Variants in ATAD5 observed in about 807,000 individuals in gnomAD.
The protein encoded by ATAD5 is ATPase family AAA domain-containing protein 5.
ATAD5 carries 58 observed loss-of-function variants against 176.9 expected under a neutral mutation model. The observed-to-expected ratio is 0.33, with a 90% CI of 0.27 to 0.41. ATAD5 has a LOEUF of 0.41. ATAD5 is among the 10% of genes least tolerant of loss of function. ATAD5 has a pLI of 1.00. For missense variants in ATAD5, 1,789 were observed against 2,094.1 expected (o/e 0.85, Z 2.84); for synonymous variants, 640 against 712.6 (o/e 0.90, Z 1.62).
At chr17:30,885,703 G>A (rs1445568100) in intron 18 of ATAD5, among the ~76,000 whole-genome samples, 2 of 136,588 alleles carry the variant, frequency 1.5e-5, no homozygotes, top group African/African-American at 2.8e-5. Flanking sequence ...GGGCAATTTC[G>A]GCTCACTGCA....
chr17:30,874,358 T>C lies in ATAD5; in HGVS notation c.3608-2016T>C, dbSNP rs185642398. ...GAGATTGAGACCATCCTGGCCAATA[T>C]GTTGAAATCCCGTCTCTACTAAAAA... On this transcript the variant is annotated intron_variant, in intron 14 of 22. Coordinates refer to ENST00000321990, the MANE Select transcript of ATAD5 (RefSeq NM_024857.5). 4.2e-3 allele frequency among the ~76,000 whole-genome samples: 640 copies of C among 151,022 alleles called. 4 individuals carry two copies. Among genetic ancestry groups the C allele is most frequent in the Middle Eastern group, 0.014 (4 of 288 alleles).
At chr17:30,858,089 G>T (rs1189035832) in intron 8 of ATAD5, 72 bp from the exon 9 acceptor site, 7 of 1,267,642 alleles carry the variant, frequency 5.5e-6, no homozygotes, top group African/African-American at 3.1e-5. Context: ...GACAGAAAGT[G>T]GTTGGTAGTA....
Position 30,853,912 on chromosome 17 carries a change from AT to A in ATAD5, c.2451-1219del, listed in dbSNP as rs555790839. On this transcript the variant is annotated intron_variant, in intron 6 of 22. Coordinates refer to ENST00000321990, the MANE Select transcript of ATAD5 (RefSeq NM_024857.5). Reference sequence around the variant, plus strand: ...ATTAACTTTTTGAAATATGACAGTGATTTTTTTTTTTTCTGATTGTTTAGCA... The same window carrying A: ...ATTAACTTTTTGAAATATGACAGTGATTTTTTTTTTTCTGATTGTTTAGCA... Among the ~76,000 whole-genome samples, 598 of 147,200 alleles carry A rather than the reference AT, an allele frequency of 4.1e-3. 3 individuals carry two copies. Among genetic ancestry groups the A allele is most frequent in the African/African-American group, 0.013 (512 of 40,472 alleles).
chr17:30,873,178 T>C (rs1442765977), intron 14 of ATAD5, among the ~76,000 whole-genome samples: 1 of 152,224 alleles, frequency 6.6e-6, no homozygotes, highest in Non-Finnish European at 1.5e-5. Flanking sequence ...AGCAAGGAAC[T>C]ATTTTAATTG....
chr17:30,842,807 G>C (rs549852385), intron 4 of ATAD5, among the ~76,000 whole-genome samples: 5 of 152,190 alleles, frequency 3.3e-5, no homozygotes, highest in African/African-American at 1.2e-4. Flanking sequence ...TTAATGGCGC[G>C]ATCTCAGCTC....
chr17:30,877,307 C>T (rs538390108), intron 15 of ATAD5, 109 bp from the exon 16 acceptor site: 1 of 791,180 alleles, frequency 1.3e-6, no homozygotes, highest in East Asian at 2.9e-5. Flanking sequence ...CCGCGCCCGT[C>T]CTGTTTCAGT....
rs1228475089 is a variant in ATAD5, at chr17:30,832,308, C to T, written c.-40C>T. 1.3e-6 allele frequency: 2 copies of T among 1,487,070 alleles called. No homozygotes were observed. Among genetic ancestry groups the T allele is most frequent in the Admixed American group, 4.2e-5 (2 of 47,580 alleles). The allele number at this position is 1,487,070 out of a possible 1,614,324, so 92.1% of individuals were successfully genotyped here. On this transcript the variant is annotated 5_prime_UTR_variant, in exon 1 of 23. Transcript: ENST00000321990. The stretch of plus-strand genomic sequence containing the variant: ...CCTCCAGGCAGGCCGGGCTGGACCG[C>T]GTGAGGTCCTAGGAGACGGGATTCC...
intron 4 of ATAD5, among the ~76,000 whole-genome samples, chr17:30,841,758 C>T (rs930186678): frequency 1.8e-4 from 27 of 152,218 alleles, no homozygotes; most frequent in African/African-American, 6.3e-4. Context: ...TTGTGTCTGG[C>T]TTCTATTACT....
intron 9 of ATAD5, among the ~76,000 whole-genome samples, chr17:30,859,607 C>T (rs1300591423): frequency 4.6e-5 from 7 of 152,066 alleles, no homozygotes; most frequent in Admixed American, 6.6e-5. Flanking sequence ...GTGATTCACT[C>T]GCCTCAGCCT....
At chr17:30,882,148 C>T (rs1026420426) in intron 18 of ATAD5, among the ~76,000 whole-genome samples, 6 of 150,870 alleles carry the variant, frequency 4.0e-5, no homozygotes, top group African/African-American at 1.2e-4. Context: ...CCCAGCTACT[C>T]GGGAGGCTGA....
chr17:30,886,926 C>T (rs1231550599), intron 18 of ATAD5, among the ~76,000 whole-genome samples: 1 of 152,034 alleles, frequency 6.6e-6, no homozygotes, highest in African/African-American at 2.4e-5. Context: ...ATAAAACTGC[C>T]TTCAGTGTTC....
chr17:30,854,632 A>G (rs1386951291), intron 6 of ATAD5, among the ~76,000 whole-genome samples: 1 of 151,876 alleles, frequency 6.6e-6, no homozygotes, highest in Non-Finnish European at 1.5e-5. Flanking sequence ...TCGGCCTCCC[A>G]AAGTGCTGGG....
In ATAD5 at chr17:30,860,609, A is replaced by G. The variant is rs1907573303; in HGVS notation, c.3133A>G (p.Lys1045Glu). Residue 1045 changes from lysine to glutamate, a missense_variant, in exon 10 of 23, where the codon AAA (lysine) becomes GAA (glutamate). Physicochemically the swap from Lys to Glu is moderately conservative, Grantham distance 56. This residue lies in a region of ATAD5 where 487 missense variants were observed against 573.6 expected (regional missense o/e 0.85). Coordinates refer to ENST00000321990, the MANE Select transcript of ATAD5 (RefSeq NM_024857.5). The stretch of plus-strand genomic sequence containing the variant: ...TTCTGGGATAAAGCTAGATTCTTCC[A>G]AAGGTATATTTTCTAAAACATCCCA... ...NSSGIKLDSS[K>E]DSGTEDMLWT... 2 of 1,559,614 alleles carry G rather than the reference A, an allele frequency of 1.3e-6. No homozygotes were observed. The highest frequency in any genetic ancestry group is 1.4e-5 in the African/African-American group (1 of 71,612).
chr17:30,843,037 C>A (rs72811657), intron 4 of ATAD5, among the ~76,000 whole-genome samples: 2 of 151,758 alleles, frequency 1.3e-5, no homozygotes, highest in Non-Finnish European at 2.9e-5. Context: ...AACCACCGTC[C>A]GGCATTAGTT....
intron 6 of ATAD5, among the ~76,000 whole-genome samples, chr17:30,847,639 A>C (rs549457507): frequency 6.9e-6 from 1 of 145,508 alleles, no homozygotes; most frequent in South Asian, 2.2e-4. Flanking sequence ...CTACTGCAAT[A>C]TTTTTTATTT....
intron 2 of ATAD5, 123 bp from the exon 3 acceptor site, chr17:30,837,083 C>G: frequency 1.8e-6 from 1 of 568,360 alleles, no homozygotes; most frequent in East Asian, 3.5e-5. Flanking sequence ...ATATTAGGGT[C>G]CTGAGTAGCT....
chr17:30,835,583 A>C lies in ATAD5; in HGVS notation c.1502A>C (p.Gln501Pro). ...GGCAAAAACAGAGAGGGAAACACTC[A>C]AAAGAAAGAAACAACCTTTTTCTTA... ...IPGKNREGNT[Q>P]KKETTFFLKE... is the part of the protein sequence containing the mutation. The change falls in exon 2 of 23, where the codon CAA becomes CCA. Residue 501 changes from glutamine to proline, a missense_variant. Gln to Pro is a moderately conservative substitution (Grantham distance 76). Transcript: ENST00000321990. 3 of 1,612,178 alleles carry C rather than the reference A, an allele frequency of 1.9e-6. No homozygotes were observed. The highest frequency in any genetic ancestry group is 2.5e-6 in the Non-Finnish European group (3 of 1,178,836).
chr17:30,858,744 A>C (rs1907441805), intron 9 of ATAD5, among the ~76,000 whole-genome samples: 1 of 151,574 alleles, frequency 6.6e-6, no homozygotes, highest in Non-Finnish European at 1.5e-5. Context: ...GCAGTGGTGC[A>C]ACTTTGCCTC....
intron 4 of ATAD5, among the ~76,000 whole-genome samples, chr17:30,843,303 G>A (rs1398468822): frequency 6.6e-6 from 1 of 151,844 alleles, no homozygotes; most frequent in Non-Finnish European, 1.5e-5. Flanking sequence ...AGTGAGCCAT[G>A]ATCATGTTAC....
Sources: allele counts gnomAD v4.1 joint callset (sites outside exome capture counted in the v4.1 genomes callset), GRCh38; gene constraint gnomAD v4.1.1; regional missense constraint gnomAD v4.1.1; transcripts MANE v1.5; gene names NCBI Gene and HGNC (gene_info 2026-07-23, HGNC 2026-07-21).